Variants in CAMK1D observed in about 807,000 individuals in gnomAD.
CAMK1D encodes the protein calcium/calmodulin-dependent protein kinase type 1D.
Under a neutral mutation model 47.7 loss-of-function variants are expected in CAMK1D, and 9 were observed. The observed-to-expected ratio is 0.19, with a 90% CI of 0.11 to 0.33. CAMK1D has a LOEUF of 0.33. Among genes scored for constraint, CAMK1D ranks in the 10% least tolerant of loss-of-function variants. CAMK1D has a pLI of 1.00. For missense variants in CAMK1D, 291 were observed against 488.7 expected (o/e 0.60, Z 3.81); for synonymous variants, 184 against 184.9 (o/e 0.99, Z 0.04).
intron 1 of CAMK1D, among the ~76,000 whole-genome samples, chr10:12,543,754 CT>C (rs1330119873): frequency 6.6e-6 from 1 of 152,166 alleles, no homozygotes; most frequent in African/African-American, 2.4e-5. Flanking sequence ...CAGCCCACTT[CT>C]TTTCTTTGCC....
At chr10:12,703,626 T>C (rs994852547) in intron 3 of CAMK1D, among the ~76,000 whole-genome samples, 1 of 152,268 alleles carries the variant, frequency 6.6e-6, no homozygotes, top group African/African-American at 2.4e-5. Flanking sequence ...CCCAGCACTT[T>C]GGGAGGCCAA....
chr10:12,383,705 C>T (rs1268575954), intron 1 of CAMK1D, among the ~76,000 whole-genome samples: 5 of 152,136 alleles, frequency 3.3e-5, no homozygotes, highest in Non-Finnish European at 7.4e-5. Context: ...GCAAAATAAC[C>T]TTTTACACAA....
In CAMK1D at chr10:12,801,391, T is replaced by TATCTATCTATCTATCTATCTATCTATCC. The variant is rs1242051924; in HGVS notation, c.641+10161_641+10162insTATCTATCTATCTATCTATCTATCCATC. 5.9e-3 allele frequency among the ~76,000 whole-genome samples: 854 copies of TATCTATCTATCTATCTATCTATCTATCC among 145,228 alleles called. 13 individuals are homozygous for TATCTATCTATCTATCTATCTATCTATCC. The highest frequency in any genetic ancestry group is 9.5e-3 in the Admixed American group (137 of 14,490). Reference sequence around the variant, plus strand: ...CTATCTATCTATCTATCTATCTATCTATCCATCCATCTGTCCATCTCATTC... The same window carrying TATCTATCTATCTATCTATCTATCTATCC: ...CTATCTATCTATCTATCTATCTATCTATCTATCTATCTATCTATCTATCTATCCATCCATCCATCTGTCCATCTCATTC... On this transcript the variant is annotated intron_variant, in intron 6 of 10. Transcript: ENST00000619168.
At chr10:12,702,885 G>C (rs765660453) in intron 3 of CAMK1D, among the ~76,000 whole-genome samples, 1 of 152,192 alleles carries the variant, frequency 6.6e-6, no homozygotes, top group Non-Finnish European at 1.5e-5. Context: ...TCAGGAGTGC[G>C]CATGATCTGA....
chr10:12,356,721 CAAAAAAAAAAAA>C (rs71384311), intron 1 of CAMK1D, among the ~76,000 whole-genome samples: 1 of 74,974 alleles, frequency 1.3e-5, no homozygotes, highest in African/African-American at 5.2e-5. Context: ...GACTCCATTT[CAAAAAAAAAAAA>C]AAAAAAAAAA....
intron 1 of CAMK1D, among the ~76,000 whole-genome samples, chr10:12,389,581 C>CA (rs1838649844): frequency 1.3e-5 from 2 of 152,212 alleles, no homozygotes; most frequent in African/African-American, 4.8e-5. Flanking sequence ...CTTCCCTACT[C>CA]ACAGCAAGCA....
intron 3 of CAMK1D, among the ~76,000 whole-genome samples, chr10:12,713,365 T>C (rs1026637959): frequency 8.5e-5 from 13 of 152,190 alleles, no homozygotes; most frequent in Admixed American, 8.5e-4. Flanking sequence ...GAGGTTTCCA[T>C]GAGTTGCGTT....
At chr10:12,764,531 C>T (rs1836660992) in intron 4 of CAMK1D, among the ~76,000 whole-genome samples, 2 of 152,062 alleles carry the variant, frequency 1.3e-5, no homozygotes, top group Non-Finnish European at 2.9e-5. Flanking sequence ...CTTTGGCCAC[C>T]CCTTGCCAGG....
chr10:12,387,390 T>TATAA (rs1564306892), intron 1 of CAMK1D, among the ~76,000 whole-genome samples: 1 of 31,986 alleles, frequency 3.1e-5, no homozygotes, highest in African/African-American at 6.0e-5. Flanking sequence ...ATTATATATA[T>TATAA]TATATATTTT....
intron 2 of CAMK1D, among the ~76,000 whole-genome samples, chr10:12,656,705 T>C (rs1840126163): frequency 1.3e-5 from 2 of 152,208 alleles, no homozygotes; most frequent in African/African-American, 2.4e-5. Flanking sequence ...TAGTTGCCCA[T>C]TGAGTATAGC....
chr10:12,639,297 C>T (rs1012725039), intron 2 of CAMK1D, among the ~76,000 whole-genome samples: 14 of 152,218 alleles, frequency 9.2e-5, no homozygotes, highest in Non-Finnish European at 1.5e-4. Flanking sequence ...CCAGCCTGAT[C>T]AACATGGTGA....
intron 2 of CAMK1D, among the ~76,000 whole-genome samples, chr10:12,625,132 T>A (rs1839168371): frequency 6.6e-6 from 1 of 151,350 alleles, no homozygotes; most frequent in South Asian, 2.1e-4. Context: ...AGGTGAGGAG[T>A]TCGAGACCAG....
chr10:12,405,256 T>C (rs1839378575), intron 1 of CAMK1D, among the ~76,000 whole-genome samples: 1 of 152,218 alleles, frequency 6.6e-6, no homozygotes, highest in Non-Finnish European at 1.5e-5. Flanking sequence ...CCAGCTCATT[T>C]TGCAGACCTA....
At chr10:12,756,011 G>A (rs61847379) in intron 3 of CAMK1D, among the ~76,000 whole-genome samples, 1 of 152,086 alleles carries the variant, frequency 6.6e-6, no homozygotes, top group Non-Finnish European at 1.5e-5. Context: ...GAATTTCAAA[G>A]GTATTTCGAA....
intron 4 of CAMK1D, among the ~76,000 whole-genome samples, chr10:12,768,474 G>A (rs1387538038): frequency 6.6e-6 from 1 of 152,200 alleles, no homozygotes; most frequent in Non-Finnish European, 1.5e-5. Flanking sequence ...AGAGCTGGAT[G>A]GGAAATGCTG....
chr10:12,659,811 A>G lies in CAMK1D; in HGVS notation c.225-6925A>G, dbSNP rs138014867. Among the ~76,000 whole-genome samples, 260 of 152,278 alleles carry G rather than the reference A, an allele frequency of 1.7e-3. 2 individuals carry two copies. The highest frequency in any genetic ancestry group is 5.6e-3 in the African/African-American group (232 of 41,548). On this transcript the variant is annotated intron_variant, in intron 2 of 10. Transcript: ENST00000619168. ...GCTTTCTGGGCTGCTTAGAGTGACA[A>G]TGGTGGGTAGTGAAAGACCTGGTCC...
intron 4 of CAMK1D, among the ~76,000 whole-genome samples, 170 bp from the exon 5 acceptor site, chr10:12,769,503 G>A (rs548836999): frequency 6.6e-5 from 10 of 152,300 alleles, no homozygotes; most frequent in African/African-American, 2.4e-4. Flanking sequence ...ACACTGTGCC[G>A]GGCGCTCTGC....
intron 1 of CAMK1D, among the ~76,000 whole-genome samples, chr10:12,492,901 ATCTTTGGGACTGATTTTAAAG>A: frequency 1.3e-5 from 2 of 152,128 alleles, no homozygotes; most frequent in African/African-American, 4.8e-5. Flanking sequence ...AGGATTGTTC[ATCTTTGGGACTGATTTTAAAG>A]TCCCACTCCC....
At chr10:12,684,659 T>G (rs1406890692) in intron 3 of CAMK1D, among the ~76,000 whole-genome samples, 1 of 152,194 alleles carries the variant, frequency 6.6e-6, no homozygotes, top group Non-Finnish European at 1.5e-5. Flanking sequence ...ATAGCCGTGG[T>G]TGGTAAAGAC....
Sources: allele counts gnomAD v4.1 joint callset (sites outside exome capture counted in the v4.1 genomes callset), GRCh38; gene constraint gnomAD v4.1.1; transcripts MANE v1.5; gene names NCBI Gene and HGNC (gene_info 2026-07-23, HGNC 2026-07-21).